TERF1: variants seen among roughly 807,000 people sequenced by gnomAD.
TERF1 encodes telomeric repeat binding factor 1.
A neutral mutation model predicts 55.1 loss-of-function variants in TERF1; 20 were observed. The observed-to-expected ratio is 0.36, with a 90% CI of 0.26 to 0.53. The LOEUF (loss-of-function observed/expected upper bound fraction) is 0.53, where lower values mean the gene tolerates loss of function less well. Ranked by LOEUF, TERF1 falls within the 20% of genes least tolerant of loss-of-function variation. The pLI is 0.91. For synonymous variants in TERF1, 168 were observed against 181.2 expected (o/e 0.93, Z 0.59); for missense variants, 439 against 535.7 (o/e 0.82, Z 1.78).
At chr8:73,009,889 TCTCA>T (rs1808214734) in intron 1 of TERF1, 1 of 147,240 alleles carries the variant, frequency 6.8e-6, no homozygotes, top group South Asian at 2.2e-4. Flanking sequence ...CAAGATGGGG[TCTCA>T]CTGTCACCCA....
At chr8:73,037,476 TAA>T (rs1335690264) in intron 8 of TERF1, among the ~76,000 whole-genome samples, 20 of 109,108 alleles carry the variant, frequency 1.8e-4, no homozygotes, top group African/African-American at 6.3e-4. Context: ...TAAAATATAT[TAA>T]ATATATTTAT....
rs1282897081 is a variant in TERF1, at chr8:73,009,057, G to A, written c.171G>A (p.Glu57=). 1.2e-6 allele frequency: 2 copies of A among 1,608,798 alleles called. No individual in the cohort carries two copies. Among genetic ancestry groups the A allele is most frequent in the Non-Finnish European group, 8.5e-7 (1 of 1,177,990 alleles). ...TGCAGGTGGGGGCCCCCGAGGAGGA[G>A]GAGGAGGAGGAGGAGGACGCGGGCC... ...CQVQVGAPEE[E]EEEEEDAGLV... Residue 57 remains glutamate (E), a synonymous_variant, in exon 1 of 10, where the codon GAG becomes GAA. Transcript: ENST00000276603.
In TERF1 at chr8:73,024,809, C is replaced by T. The variant is rs375728557; in HGVS notation, c.625-13C>T. The T allele has an allele frequency of 2.1e-5, 32 of 1,531,898 alleles. No homozygotes were observed. The highest frequency in any genetic ancestry group is 2.7e-5 in the Non-Finnish European group (31 of 1,132,804). The allele number at this position is 1,531,898 out of a possible 1,614,324, so 94.9% of individuals were successfully genotyped here. A position where few individuals can be genotyped will look rare whatever the true frequency, so the allele number is the denominator to read the frequency against. On this transcript the variant is annotated splice_polypyrimidine_tract_variant and intron_variant, in intron 4 of 9. Coordinates refer to ENST00000276603, the MANE Select transcript of TERF1 (RefSeq NM_017489.3). ...TGTGATTTATGTTAATATATTTCTT[C>T]TGTTTTCTTTAGCCTTTCAAAAGCA...
chr8:73,039,085 A>G, intron 8 of TERF1, 31 bp from the exon 9 acceptor site: 1 of 1,345,790 alleles, frequency 7.4e-7, no homozygotes, highest in Non-Finnish European at 1.0e-6. Context: ...AATGTAAATC[A>G]ATATTTATGA....
At chr8:73,035,689 A>G (rs1045493075) in intron 8 of TERF1, among the ~76,000 whole-genome samples, 1 of 152,078 alleles carries the variant, frequency 6.6e-6, no homozygotes, top group African/African-American at 2.4e-5. Context: ...GCTTTTTGCT[A>G]TTTTAGTCCC....
chr8:73,037,778 ATT>A (rs1809636976), intron 8 of TERF1, among the ~76,000 whole-genome samples: 1 of 49,710 alleles, frequency 2.0e-5, no homozygotes, highest in Non-Finnish European at 4.3e-5. Flanking sequence ...TAATATATAT[ATT>A]ATATATAATA....
intron 2 of TERF1, among the ~76,000 whole-genome samples, chr8:73,014,242 T>C (rs918425176): frequency 0.024 from 28 of 1,174 alleles, no homozygotes; most frequent in African/African-American, 0.11. Flanking sequence ...AAAGGGCTTA[T>C]TAAAAAAAAA....
intron 4 of TERF1, among the ~76,000 whole-genome samples, chr8:73,023,548 A>G (rs6989159): frequency 0.035 from 5,308 of 152,118 alleles, 190 homozygotes; most frequent in African/African-American, 0.099. Context: ...ATTTCAGCCA[A>G]TAGCCTGATA....
chr8:73,037,169 TATA>T (rs1809559542), intron 8 of TERF1, among the ~76,000 whole-genome samples: 1 of 77,564 alleles, frequency 1.3e-5, no homozygotes, highest in African/African-American at 3.9e-5. Context: ...TAATTTATAT[TATA>T]ATATATAATA....
At chr8:73,038,913 A>G (rs907895222) in intron 8 of TERF1, 8 of 529,864 alleles carry the variant, frequency 1.5e-5, no homozygotes, top group Non-Finnish European at 2.0e-5. Flanking sequence ...AAAAGAATCA[A>G]GACTCAAAAC....
intron 8 of TERF1, among the ~76,000 whole-genome samples, chr8:73,037,035 T>C (rs1439866911): frequency 1.4e-5 from 2 of 139,106 alleles, no homozygotes; most frequent in African/African-American, 5.3e-5. Context: ...ATATATAATA[T>C]ATAATGTACA....
At chr8:73,016,408 T>A (rs1235627068) in intron 2 of TERF1, among the ~76,000 whole-genome samples, 2 of 151,906 alleles carry the variant, frequency 1.3e-5, no homozygotes, top group African/African-American at 4.8e-5. Flanking sequence ...GGGGAAATGC[T>A]TGTCATCCTC....
intron 8 of TERF1, among the ~76,000 whole-genome samples, chr8:73,037,832 AATAATATAT>A (rs1186964409): frequency 1.6e-4 from 15 of 92,446 alleles, no homozygotes; most frequent in Admixed American, 9.9e-4. Context: ...TATATAGTAT[AATAATATAT>A]ATAATATATA....
chr8:73,037,084 T>C (rs1323293941), intron 8 of TERF1, among the ~76,000 whole-genome samples: 1 of 135,666 alleles, frequency 7.4e-6, no homozygotes, highest in Non-Finnish European at 1.5e-5. Flanking sequence ...TTATACTACA[T>C]ATAATATATA....
At chr8:73,039,538 C>T (rs1186552557) in intron 9 of TERF1, among the ~76,000 whole-genome samples, 1 of 152,026 alleles carries the variant, frequency 6.6e-6, no homozygotes, top group Non-Finnish European at 1.5e-5. Context: ...TTAAATTTTC[C>T]TAACAGGGAT....
intron 9 of TERF1, 124 bp downstream of exon 9, chr8:73,039,343 T>C: frequency 1.6e-6 from 1 of 634,456 alleles, no homozygotes; most frequent in African/African-American, 1.9e-5. Flanking sequence ...CTTTGCCATC[T>C]TTTATTTTGC....
chr8:73,029,766 T>A (rs1480283868), intron 6 of TERF1, among the ~76,000 whole-genome samples: 2 of 152,096 alleles, frequency 1.3e-5, no homozygotes, highest in Non-Finnish European at 2.9e-5. Context: ...TTTTGTAGGA[T>A]GGTTAAGATT....
In TERF1 at chr8:73,032,109, G is replaced by A; in HGVS notation, c.1015G>A (p.Glu339Lys). 2.5e-6 allele frequency: 4 copies of A among 1,611,558 alleles called. No individual in the cohort carries two copies. Among genetic ancestry groups the A allele is most frequent in the Non-Finnish European group, 2.5e-6 (3 of 1,179,146 alleles). Residue 339 changes from glutamate to lysine, a missense_variant, in exon 8 of 10, where the codon GAA becomes AAA. This residue lies in a region of TERF1 where 140 missense variants were observed against 158.6 expected (regional missense o/e 0.88). Coordinates refer to ENST00000276603, the MANE Select transcript of TERF1 (RefSeq NM_017489.3). ...GTQQQDLNKK[E>K]RRVGTPQSTK... ...CCAGCAACAAGACCTTAATAAGAAA[G>A]AAAGAAGAGTAGGAACTCCTCAAAG...
chr8:73,012,814 TTA>T (rs1808339496), intron 1 of TERF1: 1 of 422,244 alleles, frequency 2.4e-6, no homozygotes, highest in Non-Finnish European at 4.8e-6. Flanking sequence ...AAAATTTTAA[TTA>T]GTTACTTACA....
Sources: gnomAD v4.1 joint callset for allele counts (sites outside exome capture counted in the v4.1 genomes callset) on GRCh38, gnomAD v4.1.1 for gene constraint, gnomAD v4.1.1 regional missense constraint, MANE v1.5 for transcripts, NCBI Gene and HGNC (gene_info 2026-07-23, HGNC 2026-07-21) for gene names.